The following PPP4R4 variants were observed in gnomAD, a reference collection of about 807,000 sequenced individuals.
PPP4R4 encodes serine/threonine-protein phosphatase 4 regulatory subunit 4.
A neutral mutation model predicts 121.8 loss-of-function variants in PPP4R4; 70 were observed. That is an observed-to-expected ratio of 0.57 (90% CI 0.47 to 0.70). PPP4R4 has a LOEUF of 0.70. PPP4R4 is among the 30% of genes least tolerant of loss of function. PPP4R4 has a pLI of 0.00. For missense variants in PPP4R4, 875 were observed against 1,033.6 expected (o/e 0.85, Z 2.10); for synonymous variants, 348 against 355.7 (o/e 0.98, Z 0.24).
At chr14:94,204,656 T>C (rs1210717777) in intron 2 of PPP4R4, among the ~76,000 whole-genome samples, 1 of 152,188 alleles carries the variant, frequency 6.6e-6, no homozygotes, top group Non-Finnish European at 1.5e-5. Flanking sequence ...GTGTTAAAGC[T>C]GTATACCACT....
chr14:94,216,116 T>C (rs1891005096), intron 3 of PPP4R4, among the ~76,000 whole-genome samples: 1 of 152,206 alleles, frequency 6.6e-6, no homozygotes, highest in African/African-American at 2.4e-5. Flanking sequence ...GTAGTTAAGC[T>C]TGTAAGTGAG....
Position 94,190,759 on chromosome 14 carries a change from A to G in PPP4R4, c.191+14632A>G, listed in dbSNP as rs114136893. ...TCCAAGTTTATGTAGTTATTCCTGA[A>G]CTAATGTTTTGCATACCTTTCAATA... is the stretch of plus-strand genomic sequence containing the variant. On this transcript the variant is annotated intron_variant, in intron 2 of 24. Transcript: ENST00000304338. 5.1e-3 allele frequency among the ~76,000 whole-genome samples: 776 copies of G among 152,270 alleles called. 8 individuals are homozygous for G. Among genetic ancestry groups the G allele is most frequent in the African/African-American group, 0.018 (745 of 41,548 alleles).
intron 16 of PPP4R4, among the ~76,000 whole-genome samples, chr14:94,255,364 C>A (rs1893412775): frequency 6.6e-6 from 1 of 151,892 alleles, no homozygotes; most frequent in South Asian, 2.1e-4. Flanking sequence ...TTTGGGAGGC[C>A]AAGGCAGGCG....
chr14:94,238,575 T>G (rs532026672), intron 8 of PPP4R4, among the ~76,000 whole-genome samples: 3 of 152,346 alleles, frequency 2.0e-5, no homozygotes, highest in African/African-American at 7.2e-5. Context: ...CTTAGTGTTA[T>G]GTAAATCATG....
intron 2 of PPP4R4, among the ~76,000 whole-genome samples, chr14:94,202,069 C>T (rs796333540): frequency 6.6e-5 from 10 of 152,066 alleles, no homozygotes; most frequent in African/African-American, 2.2e-4. Flanking sequence ...AAGCAAACAT[C>T]GTATGTTCTC....
In PPP4R4 at chr14:94,211,532, A is replaced by T. The variant is rs189663447; in HGVS notation, c.294+2966A>T. Among the ~76,000 whole-genome samples the T allele has an allele frequency of 3.3e-5, 5 of 152,204 alleles. No individual in the cohort carries two copies. In the East Asian group the frequency reaches 9.7e-4, roughly 29 times the overall value. On this transcript the variant is annotated intron_variant, in intron 3 of 24. Coordinates refer to ENST00000304338, the MANE Select transcript of PPP4R4 (RefSeq NM_058237.2). The stretch of plus-strand genomic sequence containing the variant: ...GACAGGTGTGTTTTGGACCCAGTGG[A>T]TGGTGTGGGGTGTGATTGAGAAGAG...
intron 2 of PPP4R4, among the ~76,000 whole-genome samples, chr14:94,193,832 T>TA (rs1889725833): frequency 6.6e-6 from 1 of 152,214 alleles, no homozygotes; most frequent in South Asian, 2.1e-4. Context: ...GGGTTGCTGA[T>TA]ATGAAGTGAA....
At chr14:94,233,835 T>A in intron 6 of PPP4R4, 76 bp downstream of exon 6, 1 of 965,818 alleles carries the variant, frequency 1.0e-6, no homozygotes. Flanking sequence ...TAACAATATA[T>A]TTGTGTTATT....
At chr14:94,264,810 T>G in intron 19 of PPP4R4, 68 bp from the exon 20 acceptor site, 1 of 1,221,630 alleles carries the variant, frequency 8.2e-7, no homozygotes, top group Non-Finnish European at 1.2e-6. Context: ...TAATGCTTAA[T>G]TTCTCAGAAC....
chr14:94,214,414 C>T (rs1349374523), intron 3 of PPP4R4, among the ~76,000 whole-genome samples: 3 of 151,672 alleles, frequency 2.0e-5, no homozygotes, highest in Non-Finnish European at 4.4e-5. Context: ...CTCAGCTGCT[C>T]AGGAGGCTGG....
intron 9 of PPP4R4, 83 bp from the exon 10 acceptor site, chr14:94,241,705 A>T: frequency 9.3e-7 from 1 of 1,076,074 alleles, no homozygotes; most frequent in Non-Finnish European, 1.3e-6. Context: ...GGCTCCAATT[A>T]TATTTTTATT....
intron 23 of PPP4R4, among the ~76,000 whole-genome samples, chr14:94,268,912 G>A (rs979600149): frequency 6.6e-6 from 1 of 152,132 alleles, no homozygotes; most frequent in African/African-American, 2.4e-5. Context: ...ACTATATCAT[G>A]AGAGTAAATA....
Position 94,174,471 on chromosome 14 carries a change from T to TCCG in PPP4R4, c.15_17dup (p.Pro6dup). On this transcript the variant is annotated inframe_insertion, in exon 1 of 25. Coordinates refer to ENST00000304338, the MANE Select transcript of PPP4R4 (RefSeq NM_058237.2). ...GCGAGAGTGCCCGGCGGTCCATGCA[T>TCCG]CCGCCGCCGCCCGCCGCCGCGATGG... 6.2e-7 allele frequency: 1 copy of TCCG among 1,601,950 alleles called. No homozygotes were observed. The highest frequency in any genetic ancestry group is 8.5e-7 in the Non-Finnish European group (1 of 1,175,560).
intron 19 of PPP4R4, among the ~76,000 whole-genome samples, chr14:94,260,229 T>C (rs1294169836): frequency 1.3e-5 from 2 of 152,018 alleles, no homozygotes; most frequent in East Asian, 3.9e-4. Flanking sequence ...ATCAAGACCA[T>C]CCCGGCTAAC....
At chr14:94,175,634 CT>C (rs1888640851) in intron 1 of PPP4R4, 1 of 169,558 alleles carries the variant, frequency 5.9e-6, no homozygotes, top group Non-Finnish European at 1.3e-5. Context: ...CTTTTCATGC[CT>C]ACTCGGCTGC....
intron 2 of PPP4R4, among the ~76,000 whole-genome samples, chr14:94,203,942 CT>C (rs2139437926): frequency 6.6e-6 from 1 of 152,200 alleles, no homozygotes; most frequent in South Asian, 2.1e-4. Flanking sequence ...GACACTAGCC[CT>C]TTTTCAAACA....
At chr14:94,271,832 G>T (rs565200077) in intron 23 of PPP4R4, among the ~76,000 whole-genome samples, 1 of 152,274 alleles carries the variant, frequency 6.6e-6, no homozygotes, top group African/African-American at 2.4e-5. Context: ...TCAATGTAAG[G>T]TTAATGTGCA....
chr14:94,180,613 T>TC, intron 2 of PPP4R4, among the ~76,000 whole-genome samples: 1 of 136,628 alleles, frequency 7.3e-6, no homozygotes, highest in South Asian at 2.3e-4. Flanking sequence ...TTTTTTTTTT[T>TC]CTTTTTTCTT....
At chr14:94,256,697 A>G in intron 17 of PPP4R4, 93 bp downstream of exon 17, 1 of 1,212,350 alleles carries the variant, frequency 8.2e-7, no homozygotes. Context: ...ATAGCAATAT[A>G]TTACAATATT....
Sources: allele counts gnomAD v4.1 joint callset (sites outside exome capture counted in the v4.1 genomes callset), GRCh38; gene constraint gnomAD v4.1.1; transcripts MANE v1.5; gene names NCBI Gene and HGNC (gene_info 2026-07-23, HGNC 2026-07-21).